NME7: variants seen among roughly 807,000 people sequenced by gnomAD.
NME7 encodes the protein NME/NM23 family member 7.
NME7 carries 41 observed loss-of-function variants against 49.1 expected under a neutral mutation model. That is an observed-to-expected ratio of 0.83 (90% CI 0.65 to 1.08). The LOEUF (loss-of-function observed/expected upper bound fraction) is 1.08. NME7 is among the 50% of genes least tolerant of loss of function. The probability of loss-of-function intolerance (pLI) is 0.00; values close to 1 mark genes in which losing one functional copy is unlikely to be tolerated. For missense variants in NME7, 423 were observed against 463.4 expected, an observed-to-expected ratio of 0.91 and a Z score of 0.80; for synonymous variants, 139 against 150.6, an observed-to-expected ratio of 0.92 and a Z score of 0.56.
intron 10 of NME7, among the ~76,000 whole-genome samples, chr1:169,200,138 G>C (rs1026489335): frequency 3.9e-5 from 6 of 151,984 alleles, no homozygotes; most frequent in African/African-American, 1.4e-4. Context: ...TGGACTGGTG[G>C]GGGTGGGGGA....
In NME7 at chr1:169,274,784, T is replaced by G. The variant is rs79501011; in HGVS notation, c.754+12519A>C. Among the ~76,000 whole-genome samples the G allele has an allele frequency of 1.5e-5, 2 of 132,750 alleles. 1 individual carries two copies. Among genetic ancestry groups the G allele is most frequent in the African/African-American group, 5.1e-5 (2 of 39,250 alleles). 87.1% of individuals were successfully genotyped at this position (132,750 alleles called of 152,430 possible). On this transcript the variant is annotated intron_variant, in intron 7 of 11. Coordinates refer to ENST00000367811, the MANE Select transcript of NME7 (RefSeq NM_013330.5). ...CAAAGATCAGATAGTTGTAGATATG[T>G]GGCATTATTTCTGAGGGCTCTGTTG...
chr1:169,313,485 T>C (rs533124964), intron 3 of NME7, among the ~76,000 whole-genome samples: 2 of 152,266 alleles, frequency 1.3e-5, no homozygotes, highest in Non-Finnish European at 2.9e-5. Flanking sequence ...CTACCAATCA[T>C]ACAGACTGCT....
intron 7 of NME7, among the ~76,000 whole-genome samples, chr1:169,272,998 G>A (rs1571343579): frequency 7.5e-6 from 1 of 133,628 alleles, no homozygotes; most frequent in East Asian, 2.0e-4. Context: ...TCGAACTGGC[G>A]TGAGATGGTA....
At chr1:169,306,674 G>A (rs918540254) in intron 4 of NME7, among the ~76,000 whole-genome samples, 3 of 152,112 alleles carry the variant, frequency 2.0e-5, no homozygotes, top group African/African-American at 7.2e-5. Context: ...TAAGTGGTAG[G>A]TGATCATATG....
chr1:169,253,903 G>A (rs1309055718), intron 7 of NME7, among the ~76,000 whole-genome samples: 1 of 150,262 alleles, frequency 6.7e-6, no homozygotes, highest in Non-Finnish European at 1.5e-5. Context: ...TTGCATCCCA[G>A]GGATGAAGCC....
chr1:169,237,802 AAC>A, intron 7 of NME7, 115 bp from the exon 8 acceptor site: 1 of 674,356 alleles, frequency 1.5e-6, no homozygotes, highest in South Asian at 1.9e-5. Context: ...TATTTAAAAA[AAC>A]ACATATTTTG....
intron 10 of NME7, among the ~76,000 whole-genome samples, chr1:169,189,942 A>G (rs905921404): frequency 3.9e-5 from 6 of 152,182 alleles, no homozygotes; most frequent in African/African-American, 7.2e-5. Context: ...TTTGTATATT[A>G]ATGTACGTCA....
chr1:169,175,497 C>T (rs1659725631), intron 10 of NME7, among the ~76,000 whole-genome samples: 1 of 152,062 alleles, frequency 6.6e-6, no homozygotes, highest in African/African-American at 2.4e-5. Flanking sequence ...TACTTTAATA[C>T]AAGTGGCAGC....
intron 10 of NME7, among the ~76,000 whole-genome samples, chr1:169,228,376 T>C (rs1334603031): frequency 1.3e-5 from 2 of 152,122 alleles, no homozygotes; most frequent in African/African-American, 4.8e-5. Context: ...ACAGTTTTAC[T>C]TACCTTAAAA....
chr1:169,337,067 G>A (rs1452208742), intron 1 of NME7, among the ~76,000 whole-genome samples: 2 of 152,224 alleles, frequency 1.3e-5, no homozygotes, highest in African/African-American at 4.8e-5. Flanking sequence ...TCCCAGTGCC[G>A]TGTGCCCGCA....
chr1:169,272,499 T>C (rs1649525892), intron 7 of NME7, among the ~76,000 whole-genome samples: 1 of 111,488 alleles, frequency 9.0e-6, no homozygotes, highest in African/African-American at 3.0e-5. Flanking sequence ...CATGTGTCCA[T>C]GTATTCCTAT....
At chr1:169,275,908 T>G (rs1487910329) in intron 7 of NME7, among the ~76,000 whole-genome samples, 1 of 133,554 alleles carries the variant, frequency 7.5e-6, no homozygotes, top group Non-Finnish European at 1.8e-5. Context: ...GTTGTTGAAT[T>G]TTGTCAAAGG....
chr1:169,248,257 G>A (rs1193298100), intron 7 of NME7, among the ~76,000 whole-genome samples: 1 of 151,810 alleles, frequency 6.6e-6, no homozygotes, highest in Non-Finnish European at 1.5e-5. Flanking sequence ...TTTTTCATAT[G>A]TTCTTTACCA....
chr1:169,195,359 G>A (rs1288617500), intron 10 of NME7, among the ~76,000 whole-genome samples: 1 of 152,046 alleles, frequency 6.6e-6, no homozygotes, highest in African/African-American at 2.4e-5. Flanking sequence ...CTACAGGCAT[G>A]TGCCACCACA....
chr1:169,328,989 A>T (rs571677759), intron 1 of NME7, among the ~76,000 whole-genome samples: 1 of 152,306 alleles, frequency 6.6e-6, no homozygotes, highest in East Asian at 1.9e-4. Context: ...ACACAGATGA[A>T]CATCCACAAG....
chr1:169,346,971 T>C (rs1331114448), intron 1 of NME7, among the ~76,000 whole-genome samples: 1 of 152,200 alleles, frequency 6.6e-6, no homozygotes, highest in Non-Finnish European at 1.5e-5. Flanking sequence ...GACAAGGCCC[T>C]GTTGACATGG....
rs558774734 is a variant in NME7 at position 169,259,755 on chromosome 1, C to T, written c.755-22068G>A. ...CTTCATATTCTGATTCAGCCCAATA[C>T]TTAAATAAGATTTGGCTTAAAGATT... On this transcript the variant is annotated intron_variant, in intron 7 of 11. Coordinates refer to ENST00000367811, the MANE Select transcript of NME7 (RefSeq NM_013330.5). Among the ~76,000 whole-genome samples the T allele has an allele frequency of 6.0e-5, 8 of 133,976 alleles. 1 individual carries two copies. The highest frequency in any genetic ancestry group is 2.0e-4 in the African/African-American group (8 of 39,542). 87.9% of individuals were successfully genotyped at this position (133,976 alleles called of 152,430 possible).
chr1:169,257,216 A>T (rs1165161687), intron 7 of NME7, among the ~76,000 whole-genome samples: 1 of 132,798 alleles, frequency 7.5e-6, no homozygotes, highest in Non-Finnish European at 1.8e-5. Flanking sequence ...AATCGGCGAG[A>T]CTCCGTGGGC....
chr1:169,313,788 A>G (rs928844827), intron 3 of NME7, among the ~76,000 whole-genome samples: 1 of 152,178 alleles, frequency 6.6e-6, no homozygotes, highest in African/African-American at 2.4e-5. Flanking sequence ...GAAAAACTGT[A>G]AAGTATCTGT....
Sources: gnomAD v4.1 joint callset for allele counts (sites outside exome capture counted in the v4.1 genomes callset) on GRCh38, gnomAD v4.1.1 for gene constraint, MANE v1.5 for transcripts, NCBI Gene and HGNC (gene_info 2026-07-23, HGNC 2026-07-21) for gene names.